The following VWC2L variants were observed in gnomAD, a reference collection of about 807,000 sequenced individuals.
The protein encoded by VWC2L is von Willebrand factor C domain containing 2 like, also known as von Willebrand factor C domain-containing protein 2-like.
In VWC2L, 10 loss-of-function variants were observed where a neutral mutation model predicts 21.6. That is an observed-to-expected ratio of 0.46 (90% CI 0.29 to 0.78). The LOEUF (loss-of-function observed/expected upper bound fraction) is 0.78, where lower values mean the gene tolerates loss of function less well. Ranked by LOEUF, VWC2L falls within the 30% of genes least tolerant of loss-of-function variation. VWC2L has a pLI of 0.10. For missense variants in VWC2L, 209 were observed against 277.1 expected, an observed-to-expected ratio of 0.75 and a Z score of 1.74; for synonymous variants, 96 against 94.3, an observed-to-expected ratio of 1.02 and a Z score of -0.10.
chr2:214,564,939 G>C (rs1574639699), intron 3 of VWC2L, among the ~76,000 whole-genome samples: 1 of 152,030 alleles, frequency 6.6e-6, no homozygotes, highest in East Asian at 1.9e-4. Context: ...TGCTTCTTTA[G>C]CTTCTTTGTT....
intron 2 of VWC2L, among the ~76,000 whole-genome samples, chr2:214,432,638 C>A (rs1040436874): frequency 1.3e-5 from 2 of 152,196 alleles, no homozygotes; most frequent in Admixed American, 6.5e-5. Flanking sequence ...GAAAGAGTCT[C>A]ATTTTGCTCT....
Position 214,536,706 on chromosome 2 carries a change from A to G in VWC2L, c.521-38966A>G, listed in dbSNP as rs530538918. On this transcript the variant is annotated intron_variant, in intron 3 of 3. Coordinates refer to ENST00000312504, the MANE Select transcript of VWC2L (RefSeq NM_001080500.4). ...TATGAAGAAAGTTTTCTAAAAATGT[A>G]TATCTAATCTCTTCCTTCCATGCTT... 7 of 152,140 alleles carry G rather than the reference A, an allele frequency of 4.6e-5. No homozygotes were observed. In the South Asian group the frequency reaches 1.0e-3, roughly 23 times the overall value. The allele number at this position is 152,140 out of a possible 1,614,324, so 9.4% of individuals were successfully genotyped here.
chr2:214,527,412 AAAG>A (rs752788203), intron 3 of VWC2L, among the ~76,000 whole-genome samples: 10 of 152,278 alleles, frequency 6.6e-5, no homozygotes, highest in Non-Finnish European at 1.3e-4. Flanking sequence ...TAAAAAAATA[AAAG>A]AAGAAGAAAA....
chr2:214,475,944 G>T (rs1688510501), intron 3 of VWC2L, among the ~76,000 whole-genome samples: 1 of 152,134 alleles, frequency 6.6e-6, no homozygotes, highest in African/African-American at 2.4e-5. Flanking sequence ...CCCAGCCTGG[G>T]AAAATCAGTC....
At chr2:214,490,604 T>C (rs1688732542) in intron 3 of VWC2L, among the ~76,000 whole-genome samples, 1 of 152,158 alleles carries the variant, frequency 6.6e-6, no homozygotes, top group South Asian at 2.1e-4. Flanking sequence ...GTATGGTAAC[T>C]GAAGCCTTGG....
rs1189278115 is a variant in VWC2L, at chr2:214,414,254, TCTG to T, written c.67_69del (p.Ala23del). The stretch of plus-strand genomic sequence containing the variant: ...GTTGGTCATCCCTGGATTGGTCACC[TCTG>T]CTGCTATCAGTCATGAAGACTATCC... On this transcript the variant is annotated inframe_deletion, in exon 2 of 4. Transcript: ENST00000312504. 1.9e-6 allele frequency: 3 copies of T among 1,613,732 alleles called. No homozygotes were observed. Among genetic ancestry groups the T allele is most frequent in the Admixed American group, 3.3e-5 (2 of 59,988 alleles).
chr2:214,574,273 A>G (rs762622058), intron 3 of VWC2L, among the ~76,000 whole-genome samples: 2 of 152,162 alleles, frequency 1.3e-5, no homozygotes, highest in Non-Finnish European at 2.9e-5. Context: ...GCTTGAGCAC[A>G]TGCCAAGTGT....
intron 3 of VWC2L, among the ~76,000 whole-genome samples, chr2:214,532,768 G>C (rs1417635225): frequency 1.3e-5 from 2 of 152,136 alleles, no homozygotes; most frequent in Non-Finnish European, 2.9e-5. Flanking sequence ...TGGGTGAAGA[G>C]CAGTGAGCAG....
chr2:214,417,716 G>A (rs1359980086), intron 2 of VWC2L, among the ~76,000 whole-genome samples: 1 of 152,024 alleles, frequency 6.6e-6, no homozygotes. Flanking sequence ...CTTGAATACT[G>A]GGCCAAAATA....
intron 3 of VWC2L, among the ~76,000 whole-genome samples, chr2:214,524,750 C>T (rs146233671): frequency 1.3e-5 from 2 of 152,010 alleles, no homozygotes; most frequent in African/African-American, 2.4e-5. Context: ...CTAATGCCCT[C>T]GTCTCTTCAA....
intron 3 of VWC2L, among the ~76,000 whole-genome samples, chr2:214,460,990 T>C (rs1217228178): frequency 6.6e-6 from 1 of 152,224 alleles, no homozygotes; most frequent in Non-Finnish European, 1.5e-5. Context: ...GTGCATGCAA[T>C]AGTCTAGTAT....
At chr2:214,549,655 C>T (rs561246458) in intron 3 of VWC2L, among the ~76,000 whole-genome samples, 2 of 152,164 alleles carry the variant, frequency 1.3e-5, no homozygotes, top group Non-Finnish European at 2.9e-5. Context: ...CATCTGTAAT[C>T]CCAGCTACTC....
chr2:214,492,000 A>G (rs1425304195), intron 3 of VWC2L, among the ~76,000 whole-genome samples: 10 of 152,186 alleles, frequency 6.6e-5, no homozygotes, highest in Admixed American at 4.6e-4. Flanking sequence ...TTTTTATTTG[A>G]CACTTCACTT....
chr2:214,412,275 AT>A (rs1702289418), intron 1 of VWC2L, among the ~76,000 whole-genome samples: 1 of 152,138 alleles, frequency 6.6e-6, no homozygotes, highest in Non-Finnish European at 1.5e-5. Flanking sequence ...TCATATGTGT[AT>A]TTTATATGGC....
chr2:214,464,977 G>A (rs1387309789), intron 3 of VWC2L, among the ~76,000 whole-genome samples: 1 of 152,096 alleles, frequency 6.6e-6, no homozygotes, highest in Non-Finnish European at 1.5e-5. Flanking sequence ...AGGTCCAAGG[G>A]CTTTTTAGTC....
intron 3 of VWC2L, among the ~76,000 whole-genome samples, chr2:214,549,916 A>G (rs1689767521): frequency 6.6e-6 from 1 of 152,072 alleles, no homozygotes; most frequent in Non-Finnish European, 1.5e-5. Flanking sequence ...ATGCCCTTTC[A>G]TTGCCTTATC....
At chr2:214,431,724 C>G (rs1417869192) in intron 2 of VWC2L, among the ~76,000 whole-genome samples, 1 of 152,174 alleles carries the variant, frequency 6.6e-6, no homozygotes, top group Admixed American at 6.5e-5. Flanking sequence ...TTCTAATATA[C>G]TAAATTGTTG....
chr2:214,571,714 T>C (rs1690151845), intron 3 of VWC2L, among the ~76,000 whole-genome samples: 1 of 152,138 alleles, frequency 6.6e-6, no homozygotes, highest in East Asian at 1.9e-4. Context: ...ATAAGACCGA[T>C]ATTCTCTCTC....
At chr2:214,509,746 C>A (rs547627491) in intron 3 of VWC2L, among the ~76,000 whole-genome samples, 1 of 152,316 alleles carries the variant, frequency 6.6e-6, no homozygotes, top group East Asian at 1.9e-4. Context: ...ACTTTCTCTA[C>A]CCCAGTTTAA....
Sources: gnomAD v4.1 joint callset for allele counts (sites outside exome capture counted in the v4.1 genomes callset) on GRCh38, gnomAD v4.1.1 for gene constraint, MANE v1.5 for transcripts, NCBI Gene and HGNC (gene_info 2026-07-23, HGNC 2026-07-21) for gene names.